Variants in PCDH17 observed in about 807,000 individuals in gnomAD.
PCDH17 encodes protocadherin-17.
A neutral mutation model predicts 67.7 loss-of-function variants in PCDH17; 21 were observed. The observed-to-expected ratio is 0.31, with a 90% confidence interval of 0.22 to 0.45. The LOEUF (loss-of-function observed/expected upper bound fraction) is 0.45, where lower values mean the gene tolerates loss of function less well. Ranked by LOEUF, PCDH17 falls within the 20% of genes least tolerant of loss-of-function variation. The pLI is 1.00. For synonymous variants in PCDH17, 701 were observed against 656.7 expected, an observed-to-expected ratio of 1.07 and a Z score of -1.03; for missense variants, 1,471 against 1,564.8, an observed-to-expected ratio of 0.94 and a Z score of 1.01.
At position 57,725,007 on chromosome 13, in the gene PCDH17, G is replaced by A; in HGVS notation, c.3193G>A (p.Ala1065Thr). 1.9e-6 allele frequency: 3 copies of A among 1,614,152 alleles called. No homozygotes were observed. Among genetic ancestry groups the A allele is most frequent in the Non-Finnish European group, 2.5e-6 (3 of 1,180,020 alleles). Residue 1065 changes from alanine to threonine, a missense_variant, in exon 4 of 4, where the codon GCT (alanine) becomes ACT (threonine). Ala to Thr is a moderately conservative substitution (Grantham distance 58). Transcript: ENST00000377918. ...DGCEAKPGAL[A>T]EASSQYLPTD... is the part of the protein sequence containing the mutation. ...CTGTGAAGCAAAACCAGGAGCCCTG[G>A]CTGAAGCAAGCAGTCAGTACTTGCC...
At chr13:57,658,265 T>A (rs1955134348) in intron 1 of PCDH17, among the ~76,000 whole-genome samples, 1 of 152,192 alleles carries the variant, frequency 6.6e-6, no homozygotes, top group Non-Finnish European at 1.5e-5. Context: ...GTATTTTTAC[T>A]TTAAAATACT....
At chr13:57,680,069 T>A (rs916828569) in intron 3 of PCDH17, among the ~76,000 whole-genome samples, 1 of 151,342 alleles carries the variant, frequency 6.6e-6, no homozygotes, top group African/African-American at 2.4e-5. Flanking sequence ...GCCTTCAAAG[T>A]GTTTTGTCTT....
At chr13:57,643,855 A>G (rs1316550983) in intron 1 of PCDH17, among the ~76,000 whole-genome samples, 3 of 151,676 alleles carry the variant, frequency 2.0e-5, no homozygotes, top group South Asian at 2.1e-4. Flanking sequence ...CTTGCCTCAT[A>G]TTGTAATCTT....
chr13:57,662,072 G>A (rs2138017449), intron 1 of PCDH17, among the ~76,000 whole-genome samples: 1 of 152,096 alleles, frequency 6.6e-6, no homozygotes, highest in Non-Finnish European at 1.5e-5. Context: ...TCACCATGTT[G>A]ACCAGGCTGG....
intron 3 of PCDH17, among the ~76,000 whole-genome samples, chr13:57,699,279 C>A (rs941929104): frequency 6.6e-6 from 1 of 151,784 alleles, no homozygotes; most frequent in Admixed American, 6.6e-5. Context: ...TGATTCATAT[C>A]TTTGTTTTTA....
chr13:57,684,141 AAAC>A (rs2138052479), intron 3 of PCDH17, among the ~76,000 whole-genome samples: 1 of 151,988 alleles, frequency 6.6e-6, no homozygotes, highest in Admixed American at 6.6e-5. Context: ...TCACTGAGGA[AAAC>A]AACACTATGT....
intron 3 of PCDH17, among the ~76,000 whole-genome samples, chr13:57,683,268 C>T (rs1955472997): frequency 6.6e-6 from 1 of 151,826 alleles, no homozygotes; most frequent in African/African-American, 2.4e-5. Context: ...ATAGAATGAT[C>T]ATGTTTTTCA....
intron 3 of PCDH17, among the ~76,000 whole-genome samples, chr13:57,699,000 G>A (rs1015881965): frequency 1.3e-5 from 2 of 151,924 alleles, no homozygotes; most frequent in Non-Finnish European, 2.9e-5. Context: ...TGTAAACAGA[G>A]CTCCATTTTG....
At chr13:57,667,546 T>C (rs1403393614) in intron 3 of PCDH17, among the ~76,000 whole-genome samples, 1 of 151,996 alleles carries the variant, frequency 6.6e-6, no homozygotes, top group Non-Finnish European at 1.5e-5. Context: ...GACTAAAAAC[T>C]GTGAATAGGT....
intron 3 of PCDH17, among the ~76,000 whole-genome samples, chr13:57,719,395 A>T (rs1056275743): frequency 6.6e-6 from 1 of 152,002 alleles, no homozygotes; most frequent in Non-Finnish European, 1.5e-5. Flanking sequence ...TGATGCCATG[A>T]TTTATAGATT....
chr13:57,725,301 A>T lies in PCDH17; in HGVS notation c.*7A>T. 8.9e-7 allele frequency: 1 copy of T among 1,118,334 alleles called. No homozygotes were observed. The highest frequency in any genetic ancestry group is 1.2e-6 in the Non-Finnish European group (1 of 857,386). The allele number at this position is 1,118,334 out of a possible 1,614,324, so 69.3% of individuals were successfully genotyped here. On this transcript the variant is annotated 3_prime_UTR_variant, in exon 4 of 4. Transcript: ENST00000377918. ...TGTGGCTGTGAGAAAGTGAAAAAAGAAAAAAAAAAAGGCATTGGCATTTTC... is the reference window on the plus strand; with the variant it reads ...TGTGGCTGTGAGAAAGTGAAAAAAGTAAAAAAAAAAGGCATTGGCATTTTC...
intron 3 of PCDH17, among the ~76,000 whole-genome samples, chr13:57,685,982 A>G (rs1387411223): frequency 6.6e-6 from 1 of 151,860 alleles, no homozygotes; most frequent in Non-Finnish European, 1.5e-5. Context: ...CAAACTACTC[A>G]GGAGGTTGAT....
Position 57,650,218 on chromosome 13 carries a change from TTGTGTGTGTGTGTGTGTG to T in PCDH17, c.2565+15133_2565+15150del, listed in dbSNP as rs67398023. On this transcript the variant is annotated intron_variant, in intron 1 of 3. Coordinates refer to ENST00000377918, the MANE Select transcript of PCDH17 (RefSeq NM_001040429.3). The stretch of plus-strand genomic sequence containing the variant: ...ATATTTGAGATTTCTGGACCCTTGA[TTGTGTGTGTGTGTGTGTG>T]TGTGTGTGTGTGTGTGTGTGTGTGT... 5.7e-3 allele frequency among the ~76,000 whole-genome samples: 784 copies of T among 137,558 alleles called. 6 individuals are homozygous for T. The highest frequency in any genetic ancestry group is 7.3e-3 in the Admixed American group (100 of 13,632). 90.2% of individuals were successfully genotyped at this position (137,558 alleles called of 152,430 possible).
chr13:57,650,087 A>C (rs1955016246), intron 1 of PCDH17, among the ~76,000 whole-genome samples: 1 of 152,196 alleles, frequency 6.6e-6, no homozygotes, highest in African/African-American at 2.4e-5. Context: ...AGTGTCTAAC[A>C]CACCAATAAG....
chr13:57,672,600 C>A (rs1022588982), intron 3 of PCDH17, among the ~76,000 whole-genome samples: 2 of 151,946 alleles, frequency 1.3e-5, no homozygotes, highest in Non-Finnish European at 2.9e-5. Context: ...ATGTGTGGAA[C>A]CACACATTCA....
At chr13:57,721,807 G>A (rs1004726808) in intron 3 of PCDH17, among the ~76,000 whole-genome samples, 1 of 150,272 alleles carries the variant, frequency 6.7e-6, no homozygotes, top group African/African-American at 2.5e-5. Flanking sequence ...TTTTCCATTT[G>A]TCTATCTTTT....
At chr13:57,686,074 G>A (rs902912618) in intron 3 of PCDH17, among the ~76,000 whole-genome samples, 1 of 149,804 alleles carries the variant, frequency 6.7e-6, no homozygotes, top group Non-Finnish European at 1.5e-5. Context: ...GGGTGACACA[G>A]GGAGATCTCA....
intron 1 of PCDH17, among the ~76,000 whole-genome samples, chr13:57,650,846 C>A (rs970525997): frequency 6.6e-6 from 1 of 152,088 alleles, no homozygotes; most frequent in Non-Finnish European, 1.5e-5. Context: ...ATCTGCAATT[C>A]TTCCTTTCCA....
At chr13:57,652,565 G>A (rs996178060) in intron 1 of PCDH17, among the ~76,000 whole-genome samples, 2 of 152,120 alleles carry the variant, frequency 1.3e-5, no homozygotes, top group Admixed American at 1.3e-4. Flanking sequence ...TATGGAGAGA[G>A]GCCTTTTAGG....
Sources: allele counts gnomAD v4.1 joint callset (sites outside exome capture counted in the v4.1 genomes callset), GRCh38; gene constraint gnomAD v4.1.1; transcripts MANE v1.5; gene names NCBI Gene and HGNC (gene_info 2026-07-23, HGNC 2026-07-21).